The following TBC1D7 variants were observed in gnomAD, a reference collection of about 807,000 sequenced individuals.
The protein encoded by TBC1D7 is TBC1 domain family member 7, also known as TBC domain family 7.
In TBC1D7, 33 loss-of-function variants were observed where a neutral mutation model predicts 35.3. The observed-to-expected ratio is 0.93, with a 90% CI of 0.71 to 1.25. TBC1D7 has a LOEUF of 1.25. TBC1D7 is among the 50% of genes most tolerant of loss of function. The pLI, the probability that TBC1D7 is intolerant of heterozygous loss-of-function variation, is 0.00. For synonymous variants in TBC1D7, 135 were observed against 129.5 expected (o/e 1.04, Z -0.29); for missense variants, 362 against 365.3 (o/e 0.99, Z 0.07).
intron 5 of TBC1D7, among the ~76,000 whole-genome samples, chr6:13,314,735 G>C (rs1783481512): frequency 6.6e-6 from 1 of 152,206 alleles, no homozygotes; most frequent in African/African-American, 2.4e-5. Context: ...ATTAACTGCA[G>C]TGATCCTCAA....
At chr6:13,310,650 A>AAAAAAAAAAAAAAAAAAAAAAAAAAAAT (rs1783140021) in intron 5 of TBC1D7, among the ~76,000 whole-genome samples, 1 of 150,684 alleles carries the variant, frequency 6.6e-6, no homozygotes, top group Non-Finnish European at 1.5e-5. Flanking sequence ...AAAAAAAAAA[A>AAAAAAAAAAAAAAAAAAAAAAAAAAAAT]AAAGAATATT....
At chr6:13,316,753 A>G (rs1228051140) in intron 4 of TBC1D7, 45 bp from the exon 5 acceptor site, 3 of 1,595,642 alleles carry the variant, frequency 1.9e-6, no homozygotes, top group Non-Finnish European at 2.6e-6. Flanking sequence ...AGTGAAAGAG[A>G]GGAATACATA....
chr6:13,312,334 A>T (rs1050698732), intron 5 of TBC1D7, among the ~76,000 whole-genome samples: 4 of 152,188 alleles, frequency 2.6e-5, no homozygotes, highest in Non-Finnish European at 5.9e-5. Flanking sequence ...TCTGATGCCA[A>T]CCAAAGATAA....
chr6:13,304,985 C>T lies in TBC1D7; in HGVS notation c.*116G>A. 1 of 836,786 alleles carries T rather than the reference C, an allele frequency of 1.2e-6. No individual in the cohort carries two copies. The allele number at this position is 836,786 out of a possible 1,614,324, so 51.8% of individuals were successfully genotyped here. A position where few individuals can be genotyped will look rare whatever the true frequency, so the allele number is the denominator to read the frequency against. ...AATAATTTTATTGGGGGAAAAAAACCACTTTGAGCACCAAAGCAAGAAAAG... is the reference window on the plus strand; with the variant it reads ...AATAATTTTATTGGGGGAAAAAAACTACTTTGAGCACCAAAGCAAGAAAAG... On this transcript the variant is annotated 3_prime_UTR_variant, in exon 8 of 8. Coordinates refer to ENST00000379300, the MANE Select transcript of TBC1D7 (RefSeq NM_016495.6).
intron 3 of TBC1D7, among the ~76,000 whole-genome samples, chr6:13,321,909 A>G (rs1784069660): frequency 6.6e-6 from 1 of 152,244 alleles, no homozygotes; most frequent in East Asian, 1.9e-4. Flanking sequence ...AATGGTGACA[A>G]TGAATTTTCA....
chr6:13,319,697 T>C (rs987301544), intron 4 of TBC1D7: 3 of 152,198 alleles, frequency 2.0e-5, no homozygotes, highest in African/African-American at 7.2e-5. Flanking sequence ...TGGGTGAAGG[T>C]ATTTCAGAAC....
At chr6:13,323,380 AT>A (rs1258268797) in intron 3 of TBC1D7, among the ~76,000 whole-genome samples, 1 of 152,016 alleles carries the variant, frequency 6.6e-6, no homozygotes, top group East Asian at 1.9e-4. Flanking sequence ...AAAAGAAAGA[AT>A]GGTTAAGAAG....
At chr6:13,322,296 T>C (rs1274326153) in intron 3 of TBC1D7, among the ~76,000 whole-genome samples, 2 of 152,026 alleles carry the variant, frequency 1.3e-5, no homozygotes, top group African/African-American at 2.4e-5. Flanking sequence ...AAACATTTTA[T>C]TTACTCAAGC....
chr6:13,315,263 T>A (rs1002445773), intron 5 of TBC1D7, among the ~76,000 whole-genome samples: 2 of 152,172 alleles, frequency 1.3e-5, no homozygotes, highest in Non-Finnish European at 2.9e-5. Flanking sequence ...CTCCTCCTGC[T>A]CAGCCTACTC....
At position 13,305,116 on chromosome 6, in the gene TBC1D7, C is replaced by A. The variant is rs141538050; in HGVS notation, c.867G>T (p.Pro289=). 141 of 1,612,686 alleles carry A rather than the reference C, an allele frequency of 8.7e-5. No individual in the cohort carries two copies. In the African/African-American group the frequency reaches 1.7e-3, roughly 19 times the overall value. The change falls in exon 8 of 8, where the codon CCG becomes CCT. Residue 289 remains proline (P), a synonymous_variant. Coordinates refer to ENST00000379300, the MANE Select transcript of TBC1D7 (RefSeq NM_016495.6). ...IDLWHKHCGT[P]VHSS ...GCGGGTGCGTTCAGCTTGAATGGAC[C>A]GGGGTCCCACAGTGTTTGTGCCACA...
chr6:13,306,570 A>G, intron 6 of TBC1D7, 43 bp from the exon 7 acceptor site: 1 of 1,483,428 alleles, frequency 6.7e-7, no homozygotes, highest in Non-Finnish European at 9.1e-7. Context: ...TGAGTTTCAG[A>G]ATTATGTTTA....
intron 3 of TBC1D7, among the ~76,000 whole-genome samples, chr6:13,322,926 C>G (rs1306450492): frequency 6.6e-6 from 1 of 152,168 alleles, no homozygotes; most frequent in Non-Finnish European, 1.5e-5. Flanking sequence ...AAAATAGTAT[C>G]AGGAAGTAGG....
chr6:13,316,720 AT>A lies in TBC1D7; in HGVS notation c.382-13del, dbSNP rs1783652580. ...TCATCATCTGGCTCCTGAAAGATTAATAATAAATCTCAAGAGGAAGGCAGTG... is the reference window on the plus strand; with the variant it reads ...TCATCATCTGGCTCCTGAAAGATTAAAATAAATCTCAAGAGGAAGGCAGTG... On this transcript the variant is annotated splice_polypyrimidine_tract_variant and intron_variant, in intron 4 of 7. Coordinates refer to ENST00000379300, the MANE Select transcript of TBC1D7 (RefSeq NM_016495.6). The A allele has an allele frequency of 6.2e-7, 1 of 1,612,922 alleles. No homozygotes were observed. Among genetic ancestry groups the A allele is most frequent in the Non-Finnish European group, 8.5e-7 (1 of 1,179,620 alleles).
intron 5 of TBC1D7, among the ~76,000 whole-genome samples, chr6:13,313,761 C>T (rs1216057889): frequency 6.6e-6 from 1 of 151,946 alleles, no homozygotes; most frequent in Non-Finnish European, 1.5e-5. Flanking sequence ...CAGGGCCCTA[C>T]CTTCAGAGAC....
rs148427996 is a variant in TBC1D7, at chr6:13,308,111, T to C, written c.520-366A>G. On this transcript the variant is annotated intron_variant, in intron 5 of 7. Transcript: ENST00000379300. ...TTCTGAGGAGCTAAGGAAGGCCCAT[T>C]ATATTACTGGCTGGTCTAGAGCAGC... Among the ~76,000 whole-genome samples the C allele has an allele frequency of 3.3e-3, 509 of 152,316 alleles. 2 individuals are homozygous for C. The highest frequency in any genetic ancestry group is 5.9e-3 in the Non-Finnish European group (401 of 68,022).
intron 5 of TBC1D7, among the ~76,000 whole-genome samples, chr6:13,314,498 G>C (rs931387698): frequency 2.6e-5 from 4 of 152,154 alleles, no homozygotes; most frequent in African/African-American, 9.7e-5. Context: ...AATAAGAAAA[G>C]CTAATTAGAT....
At chr6:13,305,494 C>A (rs1782748249) in intron 7 of TBC1D7, 2 of 431,582 alleles carry the variant, frequency 4.6e-6, no homozygotes. Flanking sequence ...CAGAGCTGTT[C>A]ACAGTAGGAC....
chr6:13,321,232 T>A, intron 3 of TBC1D7, 137 bp from the exon 4 acceptor site: 1 of 676,570 alleles, frequency 1.5e-6, no homozygotes, highest in South Asian at 2.0e-5. Context: ...AAGTACCATG[T>A]AGAATCTCTT....
At chr6:13,323,971 T>C (rs140726837) in intron 3 of TBC1D7, among the ~76,000 whole-genome samples, 19 of 152,298 alleles carry the variant, frequency 1.2e-4, no homozygotes, top group African/African-American at 4.6e-4. Flanking sequence ...CTCACAGGGA[T>C]TCTAGGATTA....
Sources: allele counts gnomAD v4.1 joint callset (sites outside exome capture counted in the v4.1 genomes callset), GRCh38; gene constraint gnomAD v4.1.1; transcripts MANE v1.5; gene names NCBI Gene and HGNC (gene_info 2026-07-23, HGNC 2026-07-21).